Variants in LPAR6 observed in about 807,000 individuals in gnomAD.
LPAR6 encodes the protein lysophosphatidic acid receptor 6, also known as G-protein coupled purinergic receptor P2Y5.
A neutral mutation model predicts 22.0 loss-of-function variants in LPAR6; 17 were observed. The observed-to-expected ratio is 0.77, with a 90% CI of 0.53 to 1.16. LPAR6 has a LOEUF of 1.16. Ranked by LOEUF, LPAR6 falls within the 50% of genes most tolerant of loss-of-function variation. The pLI is 0.00. For synonymous variants in LPAR6, 136 were observed against 139.8 expected (o/e 0.97, Z 0.19); for missense variants, 384 against 406.9 (o/e 0.94, Z 0.48).
At chr13:48,432,793 TATAGG>T (rs1949143731) in intron 1 of LPAR6, among the ~76,000 whole-genome samples, 1 of 152,058 alleles carries the variant, frequency 6.6e-6, no homozygotes, top group African/African-American at 2.4e-5. Context: ...TAATTTATAA[TATAGG>T]AGAGATATTA....
chr13:48,439,759 T>TA (rs1337378243), intron 1 of LPAR6: 1 of 152,142 alleles, frequency 6.6e-6, no homozygotes, highest in Admixed American at 6.6e-5. Flanking sequence ...CCTGAGTTTT[T>TA]AGTGTTCCAG....
chr13:48,413,686 C>T (rs1593487134), upstream of LPAR6, among the ~76,000 whole-genome samples: 1 of 152,134 alleles, frequency 6.6e-6, no homozygotes, highest in South Asian at 2.1e-4. Flanking sequence ...AACATTCTTT[C>T]CTCTTTCCTA....
At chr13:48,429,787 T>C (rs1408585053), upstream of LPAR6, among the ~76,000 whole-genome samples, 1 of 152,158 alleles carries the variant, frequency 6.6e-6, no homozygotes, top group Non-Finnish European at 1.5e-5. Flanking sequence ...CTGGAAAATG[T>C]AATGAAAAAT....
intron 1 of LPAR6, chr13:48,444,443 G>A (rs1371228036): frequency 1.3e-5 from 2 of 152,384 alleles, no homozygotes; most frequent in East Asian, 3.8e-4. Context: ...CCTAAACCCA[G>A]GAGGCAGAGG....
At chr13:48,396,088 T>A (rs990769469) in intron 1 of LPAR6, among the ~76,000 whole-genome samples, 1 of 152,182 alleles carries the variant, frequency 6.6e-6, no homozygotes, top group Non-Finnish European at 1.5e-5. Flanking sequence ...AATTTATAGA[T>A]TCAATGCTAT....
upstream of LPAR6, among the ~76,000 whole-genome samples, chr13:48,429,077 G>A (rs1262283254): frequency 2.6e-5 from 4 of 152,048 alleles, no homozygotes. Context: ...TTTAAGCATT[G>A]TTTACTCCCT....
At position 48,405,633 on chromosome 13, in the gene LPAR6, C is replaced by T. The variant is rs530401122; in HGVS notation, n.114+10067G>A. Among the ~76,000 whole-genome samples the T allele has an allele frequency of 7.2e-5, 11 of 152,270 alleles. No homozygotes were observed. In the South Asian group the frequency reaches 2.3e-3, roughly 32 times the overall value. ...AGTTGCAGCCAGAAAGTAGAGCCTG[C>T]AAACCGAAAATATTTACTATCTACT... On this transcript the variant is annotated intron_variant and non_coding_transcript_variant, in intron 1 of 1. Coordinates refer to the LPAR6 transcript ENST00000462781.
At chr13:48,402,271 T>C (rs1948698608) in intron 1 of LPAR6, among the ~76,000 whole-genome samples, 1 of 152,014 alleles carries the variant, frequency 6.6e-6, no homozygotes, top group Non-Finnish European at 1.5e-5. Context: ...AACCCACATA[T>C]TTTAACGGGG....
At chr13:48,419,956 G>A (rs1948980003) in intron 2 of LPAR6, among the ~76,000 whole-genome samples, 1 of 152,222 alleles carries the variant, frequency 6.6e-6, no homozygotes, top group South Asian at 2.1e-4. Context: ...TTCTGCCAGA[G>A]GTACAAGGAG....
intron 1 of LPAR6, among the ~76,000 whole-genome samples, chr13:48,400,084 C>G (rs1346177944): frequency 6.6e-6 from 1 of 152,056 alleles, no homozygotes; most frequent in Non-Finnish European, 1.5e-5. Flanking sequence ...GTAGGTAGCT[C>G]ATAGAAACTT....
intron 1 of LPAR6, among the ~76,000 whole-genome samples, chr13:48,392,764 CTCTT>C (rs1042876270): frequency 6.4e-5 from 6 of 93,258 alleles, no homozygotes; most frequent in East Asian, 3.9e-4. Flanking sequence ...CTCTCTCTCT[CTCTT>C]TTTTTTAAGA....
At chr13:48,400,888 A>G (rs899375241) in intron 1 of LPAR6, among the ~76,000 whole-genome samples, 14 of 152,070 alleles carry the variant, frequency 9.2e-5, no homozygotes, top group African/African-American at 3.4e-4. Context: ...CACAGTATTA[A>G]CCTGTTTATC....
chr13:48,407,927 G>A (rs1037956109), downstream of LPAR6, among the ~76,000 whole-genome samples: 2 of 152,160 alleles, frequency 1.3e-5, no homozygotes, highest in African/African-American at 2.4e-5. Flanking sequence ...GGAAGGTAGT[G>A]ATGCTTCTTC....
At chr13:48,423,690 GA>G (rs1949040664) in intron 1 of LPAR6, among the ~76,000 whole-genome samples, 1 of 151,992 alleles carries the variant, frequency 6.6e-6, no homozygotes, top group African/African-American at 2.4e-5. Context: ...AAAGAAAAAA[GA>G]AAAAAATCAA....
intron 1 of LPAR6, among the ~76,000 whole-genome samples, chr13:48,443,538 TAAATGAGGTAATACATTCAAATAAAAC>T (rs1440559368): frequency 6.6e-6 from 1 of 152,198 alleles, no homozygotes; most frequent in African/African-American, 2.4e-5. Context: ...TTTTGAAGAT[TAAATGAGGTAATACATTCAAATAAAAC>T]CTTTTAAACT....
chr13:48,423,190 C>T (rs1949031475), intron 1 of LPAR6, among the ~76,000 whole-genome samples: 2 of 152,066 alleles, frequency 1.3e-5, no homozygotes, highest in Non-Finnish European at 1.5e-5. Flanking sequence ...TGTAATGCAT[C>T]GGTTTTTAAA....
chr13:48,408,243 T>A (rs150720423), downstream of LPAR6, among the ~76,000 whole-genome samples: 396 of 152,010 alleles, frequency 2.6e-3, 1 homozygote, highest in African/African-American at 9.1e-3. Flanking sequence ...TGTCTTCAGT[T>A]TAATTTTCTG....
At chr13:48,394,394 C>A (rs369132190) in intron 1 of LPAR6, among the ~76,000 whole-genome samples, 1 of 152,110 alleles carries the variant, frequency 6.6e-6, no homozygotes, top group Non-Finnish European at 1.5e-5. Context: ...GGAATGACAG[C>A]GAGTTAGAAC....
downstream of LPAR6, chr13:48,408,698 A>G (rs1293033083): frequency 6.6e-6 from 1 of 152,200 alleles, no homozygotes; most frequent in Admixed American, 6.5e-5. Flanking sequence ...TAGATGAGAA[A>G]ACCATGTTTG....
Sources: allele counts gnomAD v4.1 joint callset (sites outside exome capture counted in the v4.1 genomes callset), GRCh38; gene constraint gnomAD v4.1.1; transcripts MANE v1.5; gene names NCBI Gene and HGNC (gene_info 2026-07-23, HGNC 2026-07-21).